Variants in ADAP1 observed in about 807,000 individuals in gnomAD.
ADAP1 encodes arf-GAP with dual PH domain-containing protein 1.
Under a neutral mutation model 54.9 loss-of-function variants are expected in ADAP1, and 31 were observed. The observed-to-expected ratio is 0.56, with a 90% CI of 0.42 to 0.76. The LOEUF is 0.76. ADAP1 is among the 30% of genes least tolerant of loss of function. ADAP1 has a pLI of 0.00. For missense variants in ADAP1, 535 were observed against 512.4 expected (o/e 1.04, Z -0.42); for synonymous variants, 313 against 202.6 (o/e 1.55, Z -4.63).
intron 2 of ADAP1, among the ~76,000 whole-genome samples, chr7:928,159 G>A (rs1458769208): frequency 2.0e-5 from 3 of 151,726 alleles, no homozygotes; most frequent in Admixed American, 6.6e-5. Context: ...GTTTGAGGTC[G>A]CAGTGGGCTA....
Position 926,604 on chromosome 7 carries a change from A to G in ADAP1, c.254T>C (p.Phe85Ser). 6.5e-7 allele frequency: 1 copy of G among 1,545,988 alleles called. No homozygotes were observed. Among genetic ancestry groups the G allele is most frequent in the Non-Finnish European group, 8.7e-7 (1 of 1,145,746 alleles). ...GTAGAAGGAGGGTACTTTGGACTCAAACCTGGCTCTCGCGGCGTCGTTCCC... is the reference window on the plus strand; with the variant it reads ...GTAGAAGGAGGGTACTTTGGACTCAGACCTGGCTCTCGCGGCGTCGTTCCC... ...SHGNDAARAR[F>S]ESKVPSFYYR... The change falls in exon 3 of 11, where the codon TTT becomes TCT. Residue 85 changes from phenylalanine to serine, a missense_variant. By Grantham distance (155) the Phe-to-Ser change is radical (BLOSUM62 -2). Coordinates refer to ENST00000265846, the MANE Select transcript of ADAP1 (RefSeq NM_006869.4). This position sits in a 1 kb window ranked among gnomAD's most constrained non-coding sequence, Gnocchi z 4.6.
At chr7:921,578 G>C (rs1379580159) in intron 3 of ADAP1, among the ~76,000 whole-genome samples, 6 of 152,230 alleles carry the variant, frequency 3.9e-5, no homozygotes, top group Non-Finnish European at 5.9e-5. Flanking sequence ...GCCTCCTACA[G>C]GGCTGCGATT....
intron 2 of ADAP1, chr7:927,152 A>G (rs1432180877): frequency 7.7e-7 from 1 of 1,303,276 alleles, no homozygotes; most frequent in East Asian, 5.6e-5. Flanking sequence ...CTCTGAGGGG[A>G]CTCTGCAGGG....
intron 3 of ADAP1, among the ~76,000 whole-genome samples, chr7:922,510 G>A (rs999982301): frequency 6.6e-6 from 1 of 152,122 alleles, no homozygotes; most frequent in Admixed American, 6.5e-5. Context: ...ACCCCTCCCC[G>A]CTTTCCCCAG....
At position 904,213 on chromosome 7, in the gene ADAP1, G is replaced by A. The variant is rs1483010316; in HGVS notation, c.561C>T (p.Ala187=). The change falls in exon 6 of 11, where the codon GCC becomes GCT. Residue 187 remains alanine (A), a synonymous_variant. Transcript: ENST00000265846. ...IEHLNATFQP[A]KIGHPHGLQV... Reference sequence around the variant, plus strand: ...GCAGGCCGTGGGGGTGGCCGATCTTGGCCGGCTGGAAGGTGGCGTTCAGGT... The same window carrying A: ...GCAGGCCGTGGGGGTGGCCGATCTTAGCCGGCTGGAAGGTGGCGTTCAGGT... 4.3e-6 allele frequency: 7 copies of A among 1,611,310 alleles called. No individual in the cohort carries two copies. The highest frequency in any genetic ancestry group is 4.5e-5 in the East Asian group (2 of 44,764).
At chr7:943,185 GGA>G (rs1371718447) in intron 1 of ADAP1, among the ~76,000 whole-genome samples, 2 of 65,598 alleles carry the variant, frequency 3.0e-5, no homozygotes, top group African/African-American at 6.1e-5. Context: ...GATGAGGAAG[GGA>G]GAGAGGAGGA....
intron 2 of ADAP1, among the ~76,000 whole-genome samples, chr7:929,656 G>A (rs1846504123): frequency 6.6e-6 from 1 of 152,020 alleles, no homozygotes; most frequent in African/African-American, 2.4e-5. Flanking sequence ...TGGGAGGGGT[G>A]GTGAGTACCG....
chr7:902,316 G>A (rs1844857819), intron 6 of ADAP1, among the ~76,000 whole-genome samples: 2 of 150,236 alleles, frequency 1.3e-5, no homozygotes, highest in African/African-American at 4.9e-5. Context: ...AAATTAGCTG[G>A]GTGTGGTGGC....
intron 1 of ADAP1, among the ~76,000 whole-genome samples, chr7:953,568 TGC>T (rs1006784986): frequency 2.3e-4 from 35 of 152,340 alleles, no homozygotes; most frequent in Admixed American, 9.8e-4. Context: ...ATTCCTGGTG[TGC>T]CTGGGGTGGC....
intron 4 of ADAP1, among the ~76,000 whole-genome samples, chr7:906,048 AGGAGAAAGGAGAAAG>A: frequency 3.2e-5 from 1 of 30,828 alleles, no homozygotes; most frequent in Non-Finnish European, 6.1e-5. Context: ...GAAAGGAGAA[AGGAGAAAGGAGAAAG>A]GGAGAAAGGA....
chr7:947,983 C>T (rs11761211), intron 1 of ADAP1, among the ~76,000 whole-genome samples: 6,981 of 151,994 alleles, frequency 0.046, 221 homozygotes, highest in Middle Eastern at 0.078. Context: ...CCCCCGACAC[C>T]ACCAGCCCCT....
Position 926,107 on chromosome 7 carries a change from C to G in ADAP1, c.305+446G>C, listed in dbSNP as rs1266585922. 6.6e-6 allele frequency among the ~76,000 whole-genome samples: 1 copy of G among 152,086 alleles called. No homozygotes were observed. The highest frequency in any genetic ancestry group is 1.5e-5 in the Non-Finnish European group (1 of 67,992). ...CTCATTCCCTCTCTCCACAACCTCC[C>G]GATCCCAGGATGCTCAGAGGACTGG... On this transcript the variant is annotated intron_variant, in intron 3 of 10. Transcript: ENST00000265846. This position sits in a 1 kb window ranked among gnomAD's most constrained non-coding sequence, Gnocchi z 4.6.
chr7:949,625 A>C (rs913144306), intron 1 of ADAP1, among the ~76,000 whole-genome samples: 1 of 152,200 alleles, frequency 6.6e-6, no homozygotes, highest in Non-Finnish European at 1.5e-5. Flanking sequence ...ACAAAGCAGT[A>C]ACCTTGGCCC....
At chr7:951,368 G>A (rs1220480405) in intron 1 of ADAP1, among the ~76,000 whole-genome samples, 7 of 140,060 alleles carry the variant, frequency 5.0e-5, no homozygotes, top group South Asian at 2.3e-4. Context: ...GCGAGACTCC[G>A]TCTCAAAAAA....
chr7:914,342 G>A (rs549010962), intron 4 of ADAP1, among the ~76,000 whole-genome samples: 2 of 152,236 alleles, frequency 1.3e-5, no homozygotes, highest in African/African-American at 2.4e-5. Context: ...GTGGTCGTGA[G>A]GTGTCGCCAC....
At chr7:901,267 G>C (rs1844798735) in intron 6 of ADAP1, 4 of 348,878 alleles carry the variant, frequency 1.1e-5, no homozygotes, top group Non-Finnish European at 2.3e-5. Context: ...CCTGCCCCTA[G>C]ACCCAGCGCC....
At chr7:901,862 G>T (rs1844834271) in intron 6 of ADAP1, among the ~76,000 whole-genome samples, 1 of 145,996 alleles carries the variant, frequency 6.8e-6, no homozygotes, top group Admixed American at 7.2e-5. Flanking sequence ...CTGCCCCAAA[G>T]GCCTTGGGAA....
At chr7:912,182 CAG>C (rs893492275) in intron 4 of ADAP1, among the ~76,000 whole-genome samples, 1 of 152,198 alleles carries the variant, frequency 6.6e-6, no homozygotes, top group Non-Finnish European at 1.5e-5. Flanking sequence ...TCCTGAACCA[CAG>C]GGGAACCACA....
chr7:946,275 G>A lies in ADAP1; in HGVS notation c.82+8121C>T, dbSNP rs1307433063. 2.0e-5 allele frequency among the ~76,000 whole-genome samples: 3 copies of A among 152,148 alleles called. No homozygotes were observed. Among genetic ancestry groups the A allele is most frequent in the Admixed American group, 6.5e-5 (1 of 15,290 alleles). On this transcript the variant is annotated intron_variant, in intron 1 of 10. Transcript: ENST00000265846. This position sits in a 1 kb window ranked among gnomAD's most constrained non-coding sequence, Gnocchi z 4.3. ...CCCGCCGGCCGGTGGATCCCCGCCA[G>A]CGAGGCAGTGACCTCTGGAGCTCCT... is the stretch of plus-strand genomic sequence containing the variant.
Sources: gnomAD v4.1 joint callset for allele counts (sites outside exome capture counted in the v4.1 genomes callset) on GRCh38, gnomAD v4.1.1 for gene constraint, Gnocchi (gnomAD v3.1) non-coding constraint, MANE v1.5 for transcripts, NCBI Gene and HGNC (gene_info 2026-07-23, HGNC 2026-07-21) for gene names.